ST7: variants seen among roughly 807,000 people sequenced by gnomAD.
The protein encoded by ST7 is suppression of tumorigenicity 7, also known as suppressor of tumorigenicity 7 protein.
In ST7, 28 loss-of-function variants were observed where a neutral mutation model predicts 78.7. The observed-to-expected ratio is 0.36, with a 90% confidence interval of 0.26 to 0.49. The LOEUF (loss-of-function observed/expected upper bound fraction) is 0.49. ST7 is among the 20% of genes least tolerant of loss of function. The pLI is 0.99. For synonymous variants in ST7, 247 were observed against 249.6 expected (o/e 0.99, Z 0.10); for missense variants, 418 against 696.0 (o/e 0.60, Z 4.49).
At chr7:117,153,924 T>C (rs1806483750) in intron 9 of ST7, among the ~76,000 whole-genome samples, 1 of 151,948 alleles carries the variant, frequency 6.6e-6, no homozygotes, top group African/African-American at 2.4e-5. Flanking sequence ...CATGTGCCAG[T>C]GTGGATGGGA....
At chr7:117,144,955 T>G (rs1246033228) in intron 9 of ST7, among the ~76,000 whole-genome samples, 3 of 152,008 alleles carry the variant, frequency 2.0e-5, no homozygotes, top group Non-Finnish European at 2.9e-5. Context: ...TCCCAGCACT[T>G]TGGGAGGCCG....
At chr7:117,082,440 A>G (rs553900298) in intron 1 of ST7, among the ~76,000 whole-genome samples, 1 of 152,228 alleles carries the variant, frequency 6.6e-6, no homozygotes, top group Non-Finnish European at 1.5e-5. Flanking sequence ...AATAATATTT[A>G]CCAGAGTTGA....
At chr7:117,176,801 T>C (rs1235041973) in intron 10 of ST7, among the ~76,000 whole-genome samples, 4 of 152,200 alleles carry the variant, frequency 2.6e-5, no homozygotes, top group Non-Finnish European at 5.9e-5. Context: ...GTTAAGTATA[T>C]AAATGTGAAT....
intron 12 of ST7, among the ~76,000 whole-genome samples, chr7:117,208,753 C>A (rs918209567): frequency 6.6e-6 from 1 of 152,128 alleles, no homozygotes; most frequent in Non-Finnish European, 1.5e-5. Context: ...GCAATTATTT[C>A]TGATGCTAAA....
chr7:116,962,535 T>C (rs1351128450), intron 1 of ST7, among the ~76,000 whole-genome samples: 1 of 152,224 alleles, frequency 6.6e-6, no homozygotes, highest in Non-Finnish European at 1.5e-5. Context: ...TCTGTAATGA[T>C]CAGTGATGGT....
At chr7:117,031,884 T>G (rs71544779) in intron 1 of ST7, among the ~76,000 whole-genome samples, 1 of 65,114 alleles carries the variant, frequency 1.5e-5, no homozygotes, top group African/African-American at 5.6e-5. Context: ...ATATATATAT[T>G]TTTTTTTTTT....
At chr7:117,134,447 G>A (rs149408294) in intron 7 of ST7, among the ~76,000 whole-genome samples, 223 of 151,954 alleles carry the variant, frequency 1.5e-3, no homozygotes, top group African/African-American at 5.2e-3. Context: ...AAACTCATGC[G>A]TTTCCACATA....
At chr7:117,153,540 G>C (rs1298191122) in intron 9 of ST7, among the ~76,000 whole-genome samples, 1 of 152,108 alleles carries the variant, frequency 6.6e-6, no homozygotes, top group Non-Finnish European at 1.5e-5. Context: ...TTAGGACACT[G>C]TTGTGTCATG....
At chr7:117,225,614 C>T (rs1262843345) in intron 15 of ST7, among the ~76,000 whole-genome samples, 3 of 152,148 alleles carry the variant, frequency 2.0e-5, no homozygotes, top group African/African-American at 4.8e-5. Context: ...CCCCACACCC[C>T]GCAGGTTATC....
chr7:116,992,839 C>T (rs1794488691), intron 1 of ST7, among the ~76,000 whole-genome samples: 1 of 152,212 alleles, frequency 6.6e-6, no homozygotes, highest in African/African-American at 2.4e-5. Flanking sequence ...TGCTTTGCTG[C>T]TTAGAAGTTT....
intron 1 of ST7, among the ~76,000 whole-genome samples, chr7:117,049,200 G>A (rs896169148): frequency 5.9e-5 from 9 of 152,268 alleles, no homozygotes; most frequent in African/African-American, 1.9e-4. Flanking sequence ...AGTAGAAGTC[G>A]CCTATCTCTA....
At chr7:117,061,604 T>C (rs1798356680) in intron 1 of ST7, among the ~76,000 whole-genome samples, 1 of 152,216 alleles carries the variant, frequency 6.6e-6, no homozygotes, top group Non-Finnish European at 1.5e-5. Context: ...CCAAAGGGCC[T>C]GAATTTTATA....
intron 1 of ST7, among the ~76,000 whole-genome samples, chr7:117,033,504 A>G (rs1432334929): frequency 3.3e-5 from 5 of 151,740 alleles, no homozygotes; most frequent in Admixed American, 6.6e-5. Flanking sequence ...GCTCACTGCA[A>G]CCTCTGCCTC....
intron 1 of ST7, among the ~76,000 whole-genome samples, chr7:117,077,622 T>C (rs1269536183): frequency 2.0e-5 from 3 of 152,218 alleles, no homozygotes; most frequent in Admixed American, 6.5e-5. Flanking sequence ...ATAGGTGTTA[T>C]AATGCAAGCC....
chr7:117,120,626 C>G (rs1014932210), intron 3 of ST7, among the ~76,000 whole-genome samples: 3 of 152,182 alleles, frequency 2.0e-5, no homozygotes, highest in African/African-American at 7.2e-5. Flanking sequence ...ATTCATCCAT[C>G]CAAATCACTA....
chr7:117,080,527 G>A (rs1364247432), intron 1 of ST7, among the ~76,000 whole-genome samples: 1 of 151,490 alleles, frequency 6.6e-6, no homozygotes, highest in Non-Finnish European at 1.5e-5. Context: ...ATATATTTTT[G>A]CTGAATATCC....
At chr7:117,159,799 A>G (rs1806984922) in intron 9 of ST7, among the ~76,000 whole-genome samples, 1 of 152,208 alleles carries the variant, frequency 6.6e-6, no homozygotes, top group South Asian at 2.1e-4. Context: ...AAGCTGAGGC[A>G]GGAGAATTGC....
chr7:117,227,853 A>T (rs988957013), intron 15 of ST7, among the ~76,000 whole-genome samples: 2 of 152,170 alleles, frequency 1.3e-5, no homozygotes, highest in Admixed American at 6.5e-5. Flanking sequence ...AGATTATCAG[A>T]AACTGCCATG....
intron 1 of ST7, among the ~76,000 whole-genome samples, chr7:116,981,936 A>C (rs1010146440): frequency 6.6e-6 from 1 of 152,218 alleles, no homozygotes; most frequent in African/African-American, 2.4e-5. Context: ...AATGGCTGCA[A>C]AATCATTAGG....
Sources: gnomAD v4.1 joint callset for allele counts (sites outside exome capture counted in the v4.1 genomes callset) on GRCh38, gnomAD v4.1.1 for gene constraint, MANE v1.5 for transcripts, NCBI Gene and HGNC (gene_info 2026-07-23, HGNC 2026-07-21) for gene names.